Variants in CDH1 observed in about 807,000 individuals in gnomAD.
CDH1 encodes the protein cadherin-1.
Under a neutral mutation model 84.5 loss-of-function variants are expected in CDH1, and 35 were observed. The observed-to-expected ratio is 0.41, with a 90% CI of 0.32 to 0.55. The LOEUF is 0.55. Ranked by LOEUF, CDH1 falls within the 20% of genes least tolerant of loss-of-function variation. The pLI is 0.19. For synonymous variants in CDH1, 417 were observed against 439.0 expected, an observed-to-expected ratio of 0.95 and a Z score of 0.63; for missense variants, 994 against 1,126.6, an observed-to-expected ratio of 0.88 and a Z score of 1.68.
intron 10 of CDH1, among the ~76,000 whole-genome samples, chr16:68,816,503 A>T (rs36029373): frequency 0.14 from 21,150 of 152,060 alleles, 3,085 homozygotes; most frequent in African/African-American, 0.37. Context: ...CCCAAAACTT[A>T]GGGAGGCCTA....
intron 2 of CDH1, among the ~76,000 whole-genome samples, chr16:68,772,338 G>C (rs563662977): frequency 6.6e-6 from 1 of 152,158 alleles, no homozygotes; most frequent in Non-Finnish European, 1.5e-5. Flanking sequence ...CTAATTTATG[G>C]TTTGTCCCTC....
In CDH1 at chr16:68,770,202, T is replaced by C. The variant is rs181642569; in HGVS notation, c.164-31468T>C. ...TAGCCCTCTCTGCCACCACCAGGTGTGTGCTCTGGGGAGCTCTGCCTCCTG... is the reference window on the plus strand; with the variant it reads ...TAGCCCTCTCTGCCACCACCAGGTGCGTGCTCTGGGGAGCTCTGCCTCCTG... On this transcript the variant is annotated intron_variant, in intron 2 of 15. Transcript: ENST00000261769. 2.0e-3 allele frequency among the ~76,000 whole-genome samples: 300 copies of C among 152,284 alleles called. 1 individual carries two copies. The highest frequency in any genetic ancestry group is 3.4e-3 in the Middle Eastern group (1 of 294).
rs527563773 is a variant in CDH1, at chr16:68,806,863, G to A, written c.388-1561G>A. Among the ~76,000 whole-genome samples, 21 of 152,302 alleles carry A rather than the reference G, an allele frequency of 1.4e-4. No individual in the cohort carries two copies. The South Asian group carries it at 1.4e-3, about 11-fold the overall frequency. On this transcript the variant is annotated intron_variant, in intron 3 of 15. Coordinates refer to ENST00000261769, the MANE Select transcript of CDH1 (RefSeq NM_004360.5). ...GAGGGCAGAGAGCATAGGTGTGTGCGCATGTGTGCACATGTGGCCAGTGTG... is the reference window on the plus strand; with the variant it reads ...GAGGGCAGAGAGCATAGGTGTGTGCACATGTGTGCACATGTGGCCAGTGTG...
intron 12 of CDH1, chr16:68,822,631 T>A (rs542779513): frequency 2.4e-6 from 1 of 421,458 alleles, no homozygotes; most frequent in Admixed American, 2.9e-5. Context: ...TGGAGGCAGC[T>A]GTCAACTGCC....
chr16:68,785,795 T>C (rs535657538), intron 2 of CDH1, among the ~76,000 whole-genome samples: 7 of 152,222 alleles, frequency 4.6e-5, no homozygotes, highest in Non-Finnish European at 1.0e-4. Context: ...CTATAATTGA[T>C]TTAAACTAAT....
intron 2 of CDH1, among the ~76,000 whole-genome samples, chr16:68,785,869 A>G (rs981161549): frequency 6.6e-6 from 1 of 152,220 alleles, no homozygotes; most frequent in Non-Finnish European, 1.5e-5. Flanking sequence ...GCCTTAGTGA[A>G]TAACCTTTTA....
Position 68,822,150 on chromosome 16 carries a change from C to A in CDH1, c.1861C>A (p.Pro621Thr). ...AAACATCATTGATGCAGACCTTCCT[C>A]CCAATACATCTCCCTTCACAGCAGA... ...VINIIDADLP[P>T]NTSPFTAELT... is the part of the protein sequence containing the mutation. Residue 621 changes from proline to threonine, a missense_variant, in exon 12 of 16, where the codon CCC becomes ACC. Coordinates refer to ENST00000261769, the MANE Select transcript of CDH1 (RefSeq NM_004360.5). 2 of 1,614,156 alleles carry A rather than the reference C, an allele frequency of 1.2e-6. No homozygotes were observed. Among genetic ancestry groups the A allele is most frequent in the South Asian group, 1.1e-5 (1 of 91,084 alleles).
intron 2 of CDH1, among the ~76,000 whole-genome samples, chr16:68,776,830 A>G (rs1388139325): frequency 1.3e-5 from 2 of 152,346 alleles, no homozygotes; most frequent in African/African-American, 2.4e-5. Flanking sequence ...ACTTTACATT[A>G]TATACTTTCT....
intron 2 of CDH1, among the ~76,000 whole-genome samples, chr16:68,773,306 T>G (rs1959635667): frequency 6.6e-6 from 1 of 151,576 alleles, no homozygotes; most frequent in Non-Finnish European, 1.5e-5. Flanking sequence ...TTTTTTTTTT[T>G]TTTTTGTTGA....
intron 10 of CDH1, among the ~76,000 whole-genome samples, chr16:68,818,961 T>G (rs1191911163): frequency 6.6e-6 from 1 of 151,926 alleles, no homozygotes; most frequent in Admixed American, 6.6e-5. Context: ...GTTCAAACGA[T>G]TCTCCTGCCT....
chr16:68,761,561 G>A (rs1655716780), intron 2 of CDH1, among the ~76,000 whole-genome samples: 1 of 152,202 alleles, frequency 6.6e-6, no homozygotes, highest in Non-Finnish European at 1.5e-5. Context: ...GTATTGCAGG[G>A]AGCAGGCAAT....
rs1375360857 is a variant in CDH1, at chr16:68,737,444, C to A, written c.29C>A (p.Ala10Glu). Reference protein sequence around the residue: MGPWSRSLSALLLLLQVSSW... With the variant: MGPWSRSLSELLLLLQVSSW... ...GGCCCTTGGAGCCGCAGCCTCTCGG[C>A]GCTGCTGCTGCTGCTGCAGGTACCC... The change falls in exon 1 of 16, where the codon GCG becomes GAG. Residue 10 changes from alanine to glutamate, a missense_variant. Ala to Glu is a moderately radical substitution (Grantham distance 107). Transcript: ENST00000261769. 7.4e-6 allele frequency: 11 copies of A among 1,489,864 alleles called. No individual in the cohort carries two copies. Among genetic ancestry groups the A allele is most frequent in the African/African-American group, 1.4e-5 (1 of 71,922 alleles). 92.3% of individuals were successfully genotyped at this position (1,489,864 alleles called of 1,614,324 possible).
Position 68,776,785 on chromosome 16 carries a change from A to T in CDH1, c.164-24885A>T, listed in dbSNP as rs370332946. Among the ~76,000 whole-genome samples, 31 of 152,364 alleles carry T rather than the reference A, an allele frequency of 2.0e-4. 1 individual carries two copies. Among genetic ancestry groups the T allele is most frequent in the African/African-American group, 7.5e-4 (31 of 41,598 alleles). The stretch of plus-strand genomic sequence containing the variant: ...CAGTTTTCAGCAAAACAGCCCATGC[A>T]TGAAATCCAACAGGCTTGTCAGATT... On this transcript the variant is annotated intron_variant, in intron 2 of 15. Coordinates refer to ENST00000261769, the MANE Select transcript of CDH1 (RefSeq NM_004360.5).
At position 68,829,949 on chromosome 16, in the gene CDH1, T is replaced by C; in HGVS notation, c.2439+152T>C. On this transcript the variant is annotated intron_variant, in intron 15 of 15. Transcript: ENST00000261769. ...GAGCCCTGTTTTCCTTTTTCTTTTTTTTTCTTTTTCTTTTTTTTTTTTTTT... is the reference window on the plus strand; with the variant it reads ...GAGCCCTGTTTTCCTTTTTCTTTTTCTTTCTTTTTCTTTTTTTTTTTTTTT... 8 of 682,472 alleles carry C rather than the reference T, an allele frequency of 1.2e-5. No individual in the cohort carries two copies. The South Asian group carries it at 1.4e-4, about 12-fold the overall frequency. 42.3% of individuals were successfully genotyped at this position (682,472 alleles called of 1,614,324 possible).
At chr16:68,743,772 G>A (rs1007679619) in intron 2 of CDH1, among the ~76,000 whole-genome samples, 8 of 152,204 alleles carry the variant, frequency 5.3e-5, no homozygotes, top group Non-Finnish European at 1.2e-4. Context: ...ATCCTTCAGC[G>A]AGGAAGTACA....
At chr16:68,791,959 T>C (rs1597878024) in intron 2 of CDH1, among the ~76,000 whole-genome samples, 3 of 150,650 alleles carry the variant, frequency 2.0e-5, no homozygotes, top group East Asian at 4.0e-4. Context: ...CTCTCTCTGT[T>C]GCCCAGGCTG....
intron 13 of CDH1, among the ~76,000 whole-genome samples, chr16:68,827,129 G>A (rs1442925373): frequency 1.3e-5 from 2 of 152,012 alleles, no homozygotes; most frequent in African/African-American, 4.8e-5. Flanking sequence ...AAATTAGCTG[G>A]GCATGGTGGC....
chr16:68,819,376 G>A lies in CDH1; in HGVS notation c.1662G>A (p.Glu554=), dbSNP rs2152136943. ...TRAELDREDF[E]HVKNSTYTAL... Reference sequence around the variant, plus strand: ...CTGAGCTGGACAGGGAGGATTTTGAGCACGTGAAGAACAGCACGTACACAG... The same window carrying A: ...CTGAGCTGGACAGGGAGGATTTTGAACACGTGAAGAACAGCACGTACACAG... Residue 554 remains glutamate (E), a synonymous_variant, in exon 11 of 16, where the codon GAG becomes GAA. Coordinates refer to ENST00000261769, the MANE Select transcript of CDH1 (RefSeq NM_004360.5). 4 of 1,614,014 alleles carry A rather than the reference G, an allele frequency of 2.5e-6. No homozygotes were observed. Among genetic ancestry groups the A allele is most frequent in the Non-Finnish European group, 3.4e-6 (4 of 1,180,024 alleles).
chr16:68,832,600 A>G (rs1269824884), intron 15 of CDH1, among the ~76,000 whole-genome samples: 1 of 152,138 alleles, frequency 6.6e-6, no homozygotes, highest in Non-Finnish European at 1.5e-5. Context: ...CAGGTGGATC[A>G]CCTGAGATCA....
Sources: allele counts gnomAD v4.1 joint callset (sites outside exome capture counted in the v4.1 genomes callset), GRCh38; gene constraint gnomAD v4.1.1; transcripts MANE v1.5; gene names NCBI Gene and HGNC (gene_info 2026-07-23, HGNC 2026-07-21).